Variants in SP4 observed in about 807,000 individuals in gnomAD.
SP4 encodes Sp4 transcription factor.
A neutral mutation model predicts 72.8 loss-of-function variants in SP4; 19 were observed. The ratio of observed to expected loss-of-function variants is 0.26; its 90% CI spans 0.18 to 0.38. The LOEUF (loss-of-function observed/expected upper bound fraction) is 0.38. SP4 is among the 10% of genes least tolerant of loss of function. The pLI is 1.00. For synonymous variants in SP4, 395 were observed against 333.1 expected, an observed-to-expected ratio of 1.19 and a Z score of -2.02; for missense variants, 1,008 against 926.3, an observed-to-expected ratio of 1.09 and a Z score of -1.14.
chr7:21,489,434 C>A (rs1487794613), intron 5 of SP4, among the ~76,000 whole-genome samples: 1 of 151,646 alleles, frequency 6.6e-6, no homozygotes, highest in Non-Finnish European at 1.5e-5. Context: ...AGTCCTCCCA[C>A]CTCAGCTGCC....
chr7:21,454,829 C>A (rs766309397), intron 3 of SP4, among the ~76,000 whole-genome samples: 11 of 152,128 alleles, frequency 7.2e-5, no homozygotes, highest in Admixed American at 7.2e-4. Flanking sequence ...AGGTTGGGCA[C>A]CCATCTTTGA....
intron 3 of SP4, among the ~76,000 whole-genome samples, chr7:21,453,613 A>G (rs1026642036): frequency 6.6e-6 from 1 of 152,204 alleles, no homozygotes; most frequent in East Asian, 1.9e-4. Flanking sequence ...TTGGTGTACT[A>G]TTGATGTCAA....
chr7:21,462,114 C>T (rs1784012921), intron 3 of SP4, among the ~76,000 whole-genome samples: 1 of 151,718 alleles, frequency 6.6e-6, no homozygotes, highest in African/African-American at 2.4e-5. Flanking sequence ...CAACCTCCAC[C>T]TCCCAGGCTG....
chr7:21,493,935 A>G (rs1159381497), intron 5 of SP4, among the ~76,000 whole-genome samples: 1 of 152,234 alleles, frequency 6.6e-6, no homozygotes, highest in Non-Finnish European at 1.5e-5. Flanking sequence ...GCAATATATA[A>G]AAAGGATAAT....
chr7:21,458,003 A>C (rs1048418555), intron 3 of SP4, among the ~76,000 whole-genome samples: 1 of 152,228 alleles, frequency 6.6e-6, no homozygotes, highest in Admixed American at 6.5e-5. Flanking sequence ...TTGTGATGAA[A>C]TTAAAAGGCT....
intron 5 of SP4, among the ~76,000 whole-genome samples, chr7:21,489,302 A>G (rs866036281): frequency 2.1e-4 from 32 of 152,114 alleles, no homozygotes; most frequent in African/African-American, 5.8e-4. Flanking sequence ...AACTCCATCA[A>G]TTTCGTTGAA....
intron 4 of SP4, 40 bp downstream of exon 4, chr7:21,477,347 A>C (rs539282882): frequency 7.4e-7 from 1 of 1,360,258 alleles, no homozygotes; most frequent in South Asian, 1.2e-5. Context: ...TTTGGAAGGC[A>C]TAAAACAGCA....
chr7:21,431,724 CT>C (rs1387962306), intron 3 of SP4, among the ~76,000 whole-genome samples: 1 of 152,054 alleles, frequency 6.6e-6, no homozygotes, highest in African/African-American at 2.4e-5. Flanking sequence ...CTTTTGTTTT[CT>C]AGTAATTAAA....
intron 3 of SP4, among the ~76,000 whole-genome samples, chr7:21,452,040 G>T (rs544160951): frequency 1.3e-5 from 2 of 152,298 alleles, no homozygotes; most frequent in Non-Finnish European, 1.5e-5. Flanking sequence ...GCTGTAGCCA[G>T]AGATCACTGG....
chr7:21,466,511 C>A (rs1303634529), intron 3 of SP4, among the ~76,000 whole-genome samples: 1 of 152,178 alleles, frequency 6.6e-6, no homozygotes, highest in African/African-American at 2.4e-5. Context: ...AGAAACAGGT[C>A]TGCTTGACCC....
intron 3 of SP4, among the ~76,000 whole-genome samples, chr7:21,437,270 C>T (rs1202905796): frequency 6.6e-6 from 1 of 152,188 alleles, no homozygotes; most frequent in African/African-American, 2.4e-5. Context: ...CACTGGGAGC[C>T]ACTATGGGTT....
At chr7:21,505,551 T>C (rs535444162) in intron 5 of SP4, among the ~76,000 whole-genome samples, 3 of 152,222 alleles carry the variant, frequency 2.0e-5, no homozygotes, top group South Asian at 2.1e-4. Flanking sequence ...CTCCTAGTTA[T>C]AGCATCTTCC....
intron 5 of SP4, among the ~76,000 whole-genome samples, chr7:21,493,378 G>C (rs972480608): frequency 6.6e-6 from 1 of 152,116 alleles, no homozygotes; most frequent in African/African-American, 2.4e-5. Context: ...AAAATTTGTG[G>C]GATGCAGGTA....
chr7:21,488,632 C>T (rs1784889030), intron 5 of SP4, among the ~76,000 whole-genome samples: 1 of 151,922 alleles, frequency 6.6e-6, no homozygotes, highest in Admixed American at 6.6e-5. Context: ...CAGTAGTGCA[C>T]ACCTATAGTC....
intron 3 of SP4, among the ~76,000 whole-genome samples, chr7:21,457,927 CTAAAATG>C (rs1783820355): frequency 6.6e-6 from 1 of 152,036 alleles, no homozygotes; most frequent in Admixed American, 6.6e-5. Flanking sequence ...TAATGTATTT[CTAAAATG>C]TACTAATTTT....
chr7:21,461,234 C>G (rs575118667), intron 3 of SP4, among the ~76,000 whole-genome samples: 1 of 152,278 alleles, frequency 6.6e-6, no homozygotes, highest in East Asian at 1.9e-4. Context: ...GGACCGGGTG[C>G]CATGGAGCAG....
intron 3 of SP4, among the ~76,000 whole-genome samples, chr7:21,453,386 G>A (rs1418509206): frequency 6.6e-6 from 1 of 152,188 alleles, no homozygotes; most frequent in Non-Finnish European, 1.5e-5. Context: ...ATCTGTGGAT[G>A]ATAAAAAGTC....
intron 5 of SP4, among the ~76,000 whole-genome samples, chr7:21,506,330 T>C (rs2128417060): frequency 6.6e-6 from 1 of 152,278 alleles, no homozygotes; most frequent in East Asian, 1.9e-4. Context: ...TGGTGGGATC[T>C]ACTCAGAAGG....
At chr7:21,447,155 A>G (rs1177164353) in intron 3 of SP4, among the ~76,000 whole-genome samples, 2 of 152,226 alleles carry the variant, frequency 1.3e-5, no homozygotes, top group Admixed American at 1.3e-4. Context: ...GTTAGAAACC[A>G]GCTGCCCTTT....
Sources: gnomAD v4.1 joint callset for allele counts (sites outside exome capture counted in the v4.1 genomes callset) on GRCh38, gnomAD v4.1.1 for gene constraint, MANE v1.5 for transcripts, NCBI Gene and HGNC (gene_info 2026-07-23, HGNC 2026-07-21) for gene names.